RPTOR: variants seen among roughly 807,000 people sequenced by gnomAD.
RPTOR encodes the protein regulatory associated protein of MTOR complex 1.
Under a neutral mutation model 169.9 loss-of-function variants are expected in RPTOR, and 21 were observed. That is an observed-to-expected ratio of 0.12 (90% CI 0.09 to 0.18). The LOEUF (loss-of-function observed/expected upper bound fraction) is 0.18. Among genes scored for constraint, RPTOR ranks in the 10% least tolerant of loss-of-function variants. The pLI is 1.00. For synonymous variants in RPTOR, 732 were observed against 753.2 expected, an observed-to-expected ratio of 0.97 and a Z score of 0.46; for missense variants, 1,133 against 1,855.9, an observed-to-expected ratio of 0.61 and a Z score of 7.16.
intron 5 of RPTOR, among the ~76,000 whole-genome samples, chr17:80,737,804 C>T (rs1031930694): frequency 7.0e-6 from 1 of 142,524 alleles, no homozygotes; most frequent in African/African-American, 2.7e-5. Context: ...CTCTTTTTCT[C>T]CCCCGCCCCC....
chr17:80,898,721 T>G (rs1598388005), intron 20 of RPTOR, among the ~76,000 whole-genome samples: 2 of 116,590 alleles, frequency 1.7e-5, no homozygotes, highest in African/African-American at 3.4e-5. Flanking sequence ...CCCCCGCACC[T>G]GCTCACCCAA....
At chr17:80,930,087 GCATCCTCAACTCATCCCCAGCT>G (rs1567993216) in intron 24 of RPTOR, among the ~76,000 whole-genome samples, 1 of 35,098 alleles carries the variant, frequency 2.8e-5, no homozygotes, top group Non-Finnish European at 5.9e-5. Flanking sequence ...CATCCCCAGC[GCATCCTCAACTCATCCCCAGCT>G]CATCCTCAAC....
At position 80,721,179 on chromosome 17, in the gene RPTOR, C is replaced by T. The variant is rs56325681; in HGVS notation, c.508-9381C>T. Reference sequence around the variant, plus strand: ...GGGCTCTGGTGACAGGAAGTAGTCCCCTCTGACCCGGTGACACCGTGGGGA... The same window carrying T: ...GGGCTCTGGTGACAGGAAGTAGTCCTCTCTGACCCGGTGACACCGTGGGGA... On this transcript the variant is annotated intron_variant, in intron 4 of 33. Transcript: ENST00000306801. This position sits in a 1 kb window ranked among gnomAD's most constrained non-coding sequence, Gnocchi z 4.7. Among the ~76,000 whole-genome samples the T allele has an allele frequency of 0.056, 8,385 of 150,806 alleles. 331 individuals carry two copies. Among genetic ancestry groups the T allele is most frequent in the Non-Finnish European group, 0.078 (5,317 of 67,970 alleles).
chr17:80,940,492 G>C lies in RPTOR; in HGVS notation c.2920-4G>C, dbSNP rs1195482053. ...GCTTAACTGGGTGTTTTCTGTTGTTGAAGATCCCAGAAGAGCACGACCTGG... is the reference window on the plus strand; with the variant it reads ...GCTTAACTGGGTGTTTTCTGTTGTTCAAGATCCCAGAAGAGCACGACCTGG... On this transcript the variant is annotated splice_region_variant and splice_polypyrimidine_tract_variant and intron_variant, in intron 24 of 33. Coordinates refer to ENST00000306801, the MANE Select transcript of RPTOR (RefSeq NM_020761.3). The C allele has an allele frequency of 6.2e-7, 1 of 1,612,300 alleles. No individual in the cohort carries two copies. The highest frequency in any genetic ancestry group is 8.5e-7 in the Non-Finnish European group (1 of 1,179,130).
intron 5 of RPTOR, among the ~76,000 whole-genome samples, chr17:80,739,740 C>T (rs2066466757): frequency 6.6e-6 from 1 of 151,552 alleles, no homozygotes; most frequent in Non-Finnish European, 1.5e-5. Flanking sequence ...AAAAAAAATA[C>T]ATAGAGTTAG....
chr17:80,797,573 A>G (rs538007038), intron 7 of RPTOR, among the ~76,000 whole-genome samples: 2 of 152,334 alleles, frequency 1.3e-5, no homozygotes, highest in Non-Finnish European at 2.9e-5. Flanking sequence ...GTGAGCCACC[A>G]CGCCCAGCCA....
intron 20 of RPTOR, among the ~76,000 whole-genome samples, chr17:80,906,464 C>T (rs1484405815): frequency 2.6e-5 from 4 of 152,202 alleles, no homozygotes; most frequent in Admixed American, 6.5e-5. Flanking sequence ...GGTGCATCTG[C>T]GTGGCACCGT....
chr17:80,667,564 A>G (rs150750009), intron 3 of RPTOR, among the ~76,000 whole-genome samples: 1 of 152,348 alleles, frequency 6.6e-6, no homozygotes, highest in Non-Finnish European at 1.5e-5. Flanking sequence ...TGCATAATTT[A>G]TCTTCCCATT....
At position 80,646,361 on chromosome 17, in the gene RPTOR, G is replaced by C. The variant is rs1005800639; in HGVS notation, c.348+2551G>C. On this transcript the variant is annotated intron_variant, in intron 3 of 33. Transcript: ENST00000306801. The surrounding 1 kb of genome is among the most constrained non-coding windows in gnomAD (Gnocchi z 5.0). ...GGCTCCCAGGTGTGAGCGTGGGGCTGTGCCATATGCACTGGGTAATAATAG... is the reference window on the plus strand; with the variant it reads ...GGCTCCCAGGTGTGAGCGTGGGGCTCTGCCATATGCACTGGGTAATAATAG... 4.6e-5 allele frequency among the ~76,000 whole-genome samples: 7 copies of C among 152,204 alleles called. No homozygotes were observed. The highest frequency in any genetic ancestry group is 1.3e-4 in the Admixed American group (2 of 15,282).
At chr17:80,782,849 A>T (rs953775554) in intron 6 of RPTOR, among the ~76,000 whole-genome samples, 1 of 152,182 alleles carries the variant, frequency 6.6e-6, no homozygotes, top group African/African-American at 2.4e-5. Flanking sequence ...AGTCCATGTT[A>T]TTGATAGTTT....
intron 5 of RPTOR, among the ~76,000 whole-genome samples, chr17:80,750,545 C>T (rs2066620844): frequency 6.6e-6 from 1 of 152,222 alleles, no homozygotes; most frequent in African/African-American, 2.4e-5. Flanking sequence ...CCCGTGCCCT[C>T]CCAGCACCAG....
intron 10 of RPTOR, among the ~76,000 whole-genome samples, chr17:80,840,662 ACAGCTCACTCTCACCACACGG>A (rs2067628021): frequency 3.6e-5 from 1 of 27,672 alleles, no homozygotes; most frequent in African/African-American, 9.3e-5. Flanking sequence ...TCACCACACC[ACAGCTCACTCTCACCACACGG>A]CAGCTCACTC....
intron 3 of RPTOR, among the ~76,000 whole-genome samples, chr17:80,704,309 C>T (rs998480107): frequency 3.3e-5 from 5 of 152,106 alleles, no homozygotes; most frequent in African/African-American, 1.2e-4. Context: ...TATCAGCTGC[C>T]CTTGGTGTGT....
At chr17:80,619,463 G>A (rs2065338931) in intron 1 of RPTOR, among the ~76,000 whole-genome samples, 1 of 152,158 alleles carries the variant, frequency 6.6e-6, no homozygotes, top group African/African-American at 2.4e-5. Flanking sequence ...AATCCCTTGT[G>A]ATTTGCTTTG....
chr17:80,606,361 C>G (rs921055237), intron 1 of RPTOR, among the ~76,000 whole-genome samples: 1 of 139,796 alleles, frequency 7.2e-6, no homozygotes, highest in Admixed American at 7.4e-5. Context: ...CAGGAGTGGT[C>G]TATCATGCCC....
intron 1 of RPTOR, among the ~76,000 whole-genome samples, chr17:80,581,410 GC>G (rs1288420249): frequency 6.6e-6 from 1 of 152,256 alleles, no homozygotes; most frequent in Admixed American, 6.5e-5. Flanking sequence ...CCATTTTTGG[GC>G]CTGTGGATCC....
chr17:80,959,489 G>A lies in RPTOR; in HGVS notation c.3478-589G>A, dbSNP rs1382767653. 1.3e-5 allele frequency among the ~76,000 whole-genome samples: 2 copies of A among 152,096 alleles called. No individual in the cohort carries two copies. Among genetic ancestry groups the A allele is most frequent in the African/African-American group, 2.4e-5 (1 of 41,404 alleles). On this transcript the variant is annotated intron_variant, in intron 29 of 33. Coordinates refer to ENST00000306801, the MANE Select transcript of RPTOR (RefSeq NM_020761.3). The surrounding 1 kb of genome is among the most constrained non-coding windows in gnomAD (Gnocchi z 6.7). ...CTCCTGGAGTGCACAACCCAGCACC[G>A]CCCATCGTGCGTGGAAAGCGCTCTC... is the stretch of plus-strand genomic sequence containing the variant.
intron 7 of RPTOR, among the ~76,000 whole-genome samples, chr17:80,804,031 C>A (rs921477658): frequency 6.6e-6 from 1 of 152,182 alleles, no homozygotes; most frequent in African/African-American, 2.4e-5. Flanking sequence ...TAATTAACAC[C>A]GCTAACCTGG....
chr17:80,739,988 A>G (rs1233059067), intron 5 of RPTOR, among the ~76,000 whole-genome samples: 1 of 152,200 alleles, frequency 6.6e-6, no homozygotes, highest in Non-Finnish European at 1.5e-5. Flanking sequence ...AAATATTAAA[A>G]GCTGATTCTC....
Sources: gnomAD v4.1 joint callset for allele counts (sites outside exome capture counted in the v4.1 genomes callset) on GRCh38, gnomAD v4.1.1 for gene constraint, Gnocchi (gnomAD v3.1) non-coding constraint, MANE v1.5 for transcripts, NCBI Gene and HGNC (gene_info 2026-07-23, HGNC 2026-07-21) for gene names.